Variants in PLD5 observed in about 807,000 individuals in gnomAD.
PLD5 encodes inactive phospholipase D5.
In PLD5, 36 loss-of-function variants were observed where a neutral mutation model predicts 61.1. The observed-to-expected ratio is 0.59, with a 90% CI of 0.45 to 0.78. The LOEUF (loss-of-function observed/expected upper bound fraction) is 0.78. PLD5 is among the 30% of genes least tolerant of loss of function. The pLI, the probability that PLD5 is intolerant of heterozygous loss-of-function variation, is 0.00. For missense variants in PLD5, 515 were observed against 644.4 expected (o/e 0.80, Z 2.17); for synonymous variants, 243 against 242.8 (o/e 1.00, Z -0.01).
chr1:242,115,656 TA>T (rs11311583), intron 6 of PLD5, among the ~76,000 whole-genome samples: 75,478 of 138,824 alleles, frequency 0.54, 19,740 homozygotes, highest in East Asian at 0.73. Context: ...ACTCAAAATC[TA>T]AAAAAAAAAA....
At chr1:242,111,815 A>G (rs1661526943) in intron 7 of PLD5, among the ~76,000 whole-genome samples, 2 of 152,226 alleles carry the variant, frequency 1.3e-5, no homozygotes, top group Non-Finnish European at 2.9e-5. Flanking sequence ...CAGGTTTAAA[A>G]TTTTAAAAAT....
chr1:242,465,244 C>T (rs75987211), intron 1 of PLD5, among the ~76,000 whole-genome samples: 7,735 of 152,214 alleles, frequency 0.051, 245 homozygotes, highest in Middle Eastern at 0.061. Context: ...GGACTCTACA[C>T]TCAAAATACA....
At chr1:242,213,945 A>G (rs1669984560) in intron 5 of PLD5, among the ~76,000 whole-genome samples, 1 of 151,858 alleles carries the variant, frequency 6.6e-6, no homozygotes, top group Non-Finnish European at 1.5e-5. Context: ...TTCAGGTTGC[A>G]GACAATGTTG....
chr1:242,327,571 A>C (rs1348158362), intron 2 of PLD5, among the ~76,000 whole-genome samples: 1 of 152,174 alleles, frequency 6.6e-6, no homozygotes, highest in Non-Finnish European at 1.5e-5. Flanking sequence ...AGAATTTCAA[A>C]TATGCTGACT....
intron 4 of PLD5, among the ~76,000 whole-genome samples, chr1:242,263,173 C>T (rs1265750495): frequency 6.6e-6 from 1 of 152,148 alleles, no homozygotes; most frequent in Non-Finnish European, 1.5e-5. Flanking sequence ...TACACCTGCA[C>T]TAAATCTTTG....
At chr1:242,455,925 C>G (rs904340454) in intron 1 of PLD5, among the ~76,000 whole-genome samples, 1 of 152,202 alleles carries the variant, frequency 6.6e-6, no homozygotes, top group Non-Finnish European at 1.5e-5. Flanking sequence ...GGGGTGGGGA[C>G]AGAAGGGCCA....
chr1:242,176,165 A>C (rs1667128042), intron 5 of PLD5, among the ~76,000 whole-genome samples: 1 of 152,220 alleles, frequency 6.6e-6, no homozygotes, highest in Non-Finnish European at 1.5e-5. Flanking sequence ...TGGAGGCATC[A>C]TGCTACCTGA....
In PLD5 at chr1:242,394,066, AC is replaced by A. The variant is rs1431485132; in HGVS notation, c.190-45825del. Among the ~76,000 whole-genome samples the A allele has an allele frequency of 1.5e-3, 219 of 143,238 alleles. 3 individuals are homozygous for A. Among genetic ancestry groups the A allele is most frequent in the African/African-American group, 5.3e-3 (200 of 37,434 alleles). The allele number at this position is 143,238 out of a possible 152,430, so 94.0% of individuals were successfully genotyped here. Reference sequence around the variant, plus strand: ...GACGACGACTCCATCTCAAAAAAAAACATATATATATATGAGTATATATATG... The same window carrying A: ...GACGACGACTCCATCTCAAAAAAAAAATATATATATATGAGTATATATATG... On this transcript the variant is annotated intron_variant, in intron 1 of 9. Transcript: ENST00000536534.
intron 1 of PLD5, among the ~76,000 whole-genome samples, chr1:242,399,355 C>T (rs776747390): frequency 1.5e-4 from 23 of 152,052 alleles, no homozygotes; most frequent in Non-Finnish European, 2.5e-4. Flanking sequence ...TGATCAAATC[C>T]AATTTATGCT....
chr1:242,097,602 T>C (rs1660350188), intron 9 of PLD5, among the ~76,000 whole-genome samples: 1 of 152,240 alleles, frequency 6.6e-6, no homozygotes, highest in Admixed American at 6.5e-5. Context: ...GGGTTGTTTT[T>C]TTCTCGTAAA....
chr1:242,099,160 C>T (rs1016323575), intron 9 of PLD5, among the ~76,000 whole-genome samples: 1 of 152,068 alleles, frequency 6.6e-6, no homozygotes, highest in Admixed American at 6.6e-5. Context: ...CCCACCTTGT[C>T]ACCCTGGCTG....
intron 1 of PLD5, among the ~76,000 whole-genome samples, chr1:242,501,210 A>C (rs1668544597): frequency 6.6e-6 from 1 of 152,106 alleles, no homozygotes; most frequent in African/African-American, 2.4e-5. Context: ...CTGAAGCAGG[A>C]ATCCCTTCCT....
At chr1:242,370,459 A>G (rs1661571038) in intron 1 of PLD5, among the ~76,000 whole-genome samples, 1 of 152,100 alleles carries the variant, frequency 6.6e-6, no homozygotes, top group African/African-American at 2.4e-5. Flanking sequence ...AGATGCAGAC[A>G]GAATAGATGT....
At chr1:242,236,545 A>G (rs1671651088) in intron 4 of PLD5, among the ~76,000 whole-genome samples, 1 of 149,196 alleles carries the variant, frequency 6.7e-6, no homozygotes, top group Admixed American at 6.7e-5. Flanking sequence ...AAAATAATAA[A>G]AACAACAAAA....
intron 2 of PLD5, among the ~76,000 whole-genome samples, chr1:242,334,000 T>A (rs543756095): frequency 1.3e-5 from 2 of 152,190 alleles, no homozygotes; most frequent in Non-Finnish European, 2.9e-5. Flanking sequence ...TTCCCTTTCT[T>A]TTCGACATAT....
At chr1:242,278,497 C>T (rs1451393010) in intron 3 of PLD5, among the ~76,000 whole-genome samples, 2 of 152,132 alleles carry the variant, frequency 1.3e-5, no homozygotes, top group Non-Finnish European at 2.9e-5. Context: ...CAGGATTACT[C>T]AACAGATGGG....
chr1:242,290,482 T>G (rs974183133), intron 2 of PLD5, among the ~76,000 whole-genome samples: 2 of 152,066 alleles, frequency 1.3e-5, no homozygotes, highest in Non-Finnish European at 1.5e-5. Flanking sequence ...GGGACCACAG[T>G]GCAGAGGCTG....
chr1:242,494,081 CTGCCCTCCCT>C (rs1668272913), intron 1 of PLD5, among the ~76,000 whole-genome samples: 1 of 110,042 alleles, frequency 9.1e-6, no homozygotes, highest in African/African-American at 3.5e-5. Flanking sequence ...CTCCCCTCCC[CTGCCCTCCCT>C]TCCCCTCTCC....
At chr1:242,459,124 G>A (rs890434962) in intron 1 of PLD5, among the ~76,000 whole-genome samples, 1 of 152,178 alleles carries the variant, frequency 6.6e-6, no homozygotes, top group Non-Finnish European at 1.5e-5. Context: ...TTACATGGAT[G>A]GGAGATAGAA....
Sources: allele counts gnomAD v4.1 joint callset (sites outside exome capture counted in the v4.1 genomes callset), GRCh38; gene constraint gnomAD v4.1.1; transcripts MANE v1.5; gene names NCBI Gene and HGNC (gene_info 2026-07-23, HGNC 2026-07-21).